HMCN2: variants seen among roughly 807,000 people sequenced by gnomAD.
HMCN2 encodes hemicentin-2.
HMCN2 carries 325 observed loss-of-function variants against 377.5 expected under a neutral mutation model. The observed-to-expected ratio is 0.86, with a 90% CI of 0.79 to 0.94. HMCN2 has a LOEUF of 0.94. HMCN2 is among the 40% of genes least tolerant of loss of function. The pLI is 0.00. For missense variants in HMCN2, 4,543 were observed against 4,725.3 expected, an observed-to-expected ratio of 0.96 and a Z score of 1.13; for synonymous variants, 2,007 against 2,046.8, an observed-to-expected ratio of 0.98 and a Z score of 0.53.
intron 84 of HMCN2, 58 bp downstream of exon 84, chr9:130,408,991 A>T (rs7042911): frequency 0.75 from 870,229 of 1,166,450 alleles, 327,035 homozygotes; most frequent in African/African-American, 0.8. Context: ...ACGCTTTTTC[A>T]GATTGTTCAA....
intron 3 of HMCN2, 61 bp downstream of exon 3, chr9:130,285,377 G>C: frequency 2.2e-6 from 1 of 459,560 alleles, no homozygotes; most frequent in South Asian, 1.6e-5. Context: ...AGGAAGCTGG[G>C]GTCTCTCTCA....
In HMCN2 at chr9:130,385,772, C is replaced by A. The variant is rs750171648; in HGVS notation, c.9309+10C>A. ...GATCCAGGAAGCCCAGGTGAGCAACCCTGGGGGCACGGGCAGCCATGAGCG... is the reference window on the plus strand; with the variant it reads ...GATCCAGGAAGCCCAGGTGAGCAACACTGGGGGCACGGGCAGCCATGAGCG... On this transcript the variant is annotated intron_variant, in intron 60 of 97. Coordinates refer to ENST00000683500, the MANE Select transcript of HMCN2 (RefSeq NM_001291815.2). The A allele has an allele frequency of 3.8e-5, 50 of 1,301,862 alleles. No homozygotes were observed. The African/African-American group carries it at 6.8e-4, about 18-fold the overall frequency. The allele number at this position is 1,301,862 out of a possible 1,614,324, so 80.6% of individuals were successfully genotyped here.
At chr9:130,383,719 C>T in intron 57 of HMCN2, 119 bp downstream of exon 57, 1 of 329,720 alleles carries the variant, frequency 3.0e-6, no homozygotes, top group Non-Finnish European at 4.3e-6. Flanking sequence ...GGGATCCCAG[C>T]TGGCCCCAGC....
intron 53 of HMCN2, 134 bp downstream of exon 53, chr9:130,377,933 A>C: frequency 1.5e-5 from 10 of 666,362 alleles, no homozygotes; most frequent in Non-Finnish European, 1.9e-5. Flanking sequence ...GGCTCATCTC[A>C]GCAGCCCAGA....
At chr9:130,401,162 G>C (rs576781894) in intron 77 of HMCN2, among the ~76,000 whole-genome samples, 2 of 152,232 alleles carry the variant, frequency 1.3e-5, no homozygotes, top group Admixed American at 6.5e-5. Context: ...GTTCCCCAAG[G>C]CCCTCTGGCA....
At chr9:130,400,730 C>T (rs1269476477) in intron 76 of HMCN2, 53 bp from the exon 77 acceptor site, 38 of 1,230,712 alleles carry the variant, frequency 3.1e-5, no homozygotes, top group South Asian at 1.1e-4. Context: ...GCCCTGTGGC[C>T]GTGAGTGCCC....
At chr9:130,400,692 T>C in intron 76 of HMCN2, 91 bp from the exon 77 acceptor site, 1 of 977,298 alleles carries the variant, frequency 1.0e-6, no homozygotes, top group Non-Finnish European at 1.3e-6. Flanking sequence ...GTCACTGATG[T>C]CACCTTGTGT....
intron 34 of HMCN2, among the ~76,000 whole-genome samples, chr9:130,357,386 GTGGATGGATGGATGGAGGGATGGATGGA>G (rs1245801661): frequency 1.3e-4 from 19 of 144,866 alleles, no homozygotes; most frequent in African/African-American, 4.8e-4. Flanking sequence ...GGATGGATGG[GTGGATGGATGGATGGAGGGATGGATGGA>G]TGGATGGAAG....
At chr9:130,278,906 T>C (rs1834954960) in intron 1 of HMCN2, among the ~76,000 whole-genome samples, 1 of 149,348 alleles carries the variant, frequency 6.7e-6, no homozygotes, top group African/African-American at 2.5e-5. Context: ...TTTTTCTTTT[T>C]TTTTTTTTTT....
intron 71 of HMCN2, among the ~76,000 whole-genome samples, 172 bp from the exon 72 acceptor site, chr9:130,395,752 T>C (rs1272371797): frequency 2.0e-5 from 3 of 151,814 alleles, no homozygotes; most frequent in African/African-American, 2.4e-5. Flanking sequence ...CCCAGAGGAG[T>C]GCATTTCCTT....
In HMCN2 at chr9:130,396,067, T is replaced by C. The variant is rs1464157343; in HGVS notation, c.11053+2T>C. 1.1e-5 allele frequency: 14 copies of C among 1,277,900 alleles called. No individual in the cohort carries two copies. Among genetic ancestry groups the C allele is most frequent in the Non-Finnish European group, 1.4e-5 (14 of 982,800 alleles). 79.2% of individuals were successfully genotyped at this position (1,277,900 alleles called of 1,614,324 possible). ...TCGCCTTCCGCGTGGAGATCCACAG[T>C]GAGTAGGGCCCGCCCCACCCCACCC... On this transcript the variant is annotated splice_donor_variant, in intron 72 of 97. Coordinates refer to ENST00000683500, the MANE Select transcript of HMCN2 (RefSeq NM_001291815.2). LOFTEE classifies it high-confidence loss of function.
At chr9:130,378,588 G>A (rs1301560474) in intron 53 of HMCN2, among the ~76,000 whole-genome samples, 2 of 145,944 alleles carry the variant, frequency 1.4e-5, no homozygotes, top group African/African-American at 5.1e-5. Flanking sequence ...GAATGGGGAG[G>A]CGGGGAGGCG....
intron 40 of HMCN2, among the ~76,000 whole-genome samples, chr9:130,363,986 GAGAA>G (rs773587846): frequency 6.5e-4 from 98 of 151,680 alleles, no homozygotes; most frequent in Middle Eastern, 3.4e-3. Context: ...AAGAAAGAAA[GAGAA>G]AGGAAGGAAG....
chr9:130,336,209 A>G (rs1304543015), intron 22 of HMCN2, among the ~76,000 whole-genome samples: 3 of 152,230 alleles, frequency 2.0e-5, no homozygotes, highest in Non-Finnish European at 2.9e-5. Flanking sequence ...GCAAGTTAAT[A>G]AACTGTGGTG....
Position 130,406,159 on chromosome 9 carries a change from C to T in HMCN2, c.12544C>T (p.Pro4182Ser), listed in dbSNP as rs1358367291. 2 of 1,289,780 alleles carry T rather than the reference C, an allele frequency of 1.6e-6. No homozygotes were observed. Among genetic ancestry groups the T allele is most frequent in the Non-Finnish European group, 2.0e-6 (2 of 988,848 alleles). 79.9% of individuals were successfully genotyped at this position (1,289,780 alleles called of 1,614,324 possible). A position where few individuals can be genotyped will look rare whatever the true frequency, so the allele number is the denominator to read the frequency against. The stretch of plus-strand genomic sequence containing the variant: ...CATTGGCTGGACTGTCAACGACCGG[C>T]CAGTCACAGGTCTGGGTCTGCTGGG... The part of the protein sequence containing the change: ...PRIGWTVNDR[P>S]VTEGVSEQDG... The change falls in exon 82 of 98, where the codon CCA (proline) becomes TCA (serine). Residue 4182 changes from proline to serine, a missense_variant. Physicochemically the swap from Pro to Ser is moderately conservative, Grantham distance 74. Around this residue, in one of 5 missense-constraint regions of HMCN2, gnomAD observed 1,073 missense variants for 1,319.5 expected, o/e 0.81. Coordinates refer to ENST00000683500, the MANE Select transcript of HMCN2 (RefSeq NM_001291815.2).
rs1383242806 is a variant in HMCN2 at position 130,395,911 on chromosome 9, CG to C, written c.10912-9del. 3.9e-6 allele frequency: 5 copies of C among 1,284,156 alleles called. No individual in the cohort carries two copies. Among genetic ancestry groups the C allele is most frequent in the Non-Finnish European group, 5.1e-6 (5 of 986,790 alleles). 79.5% of individuals were successfully genotyped at this position (1,284,156 alleles called of 1,614,324 possible). ...ACTGATAAGGGTCTGTCCACCCTGG[CG>C]GGGCTCTCCAGGAGGACGCCCACAC... On this transcript the variant is annotated splice_polypyrimidine_tract_variant and intron_variant, in intron 71 of 97. Transcript: ENST00000683500.
intron 15 of HMCN2, among the ~76,000 whole-genome samples, chr9:130,316,670 C>A (rs1008230127): frequency 6.6e-6 from 1 of 152,232 alleles, no homozygotes; most frequent in Non-Finnish European, 1.5e-5. Context: ...GCTCCCGCCC[C>A]AGAAAACTGA....
At chr9:130,424,976 G>A (rs1359211350) in intron 88 of HMCN2, 33 bp from the exon 89 acceptor site, 1 of 1,520,794 alleles carries the variant, frequency 6.6e-7, no homozygotes, top group Admixed American at 2.1e-5. Context: ...GACCTCCCGT[G>A]GTGACTCTGG....
Position 130,433,368 on chromosome 9 carries a change from C to T in HMCN2, c.14915C>T (p.Ser4972Leu), listed in dbSNP as rs1331063907. Residue 4972 changes from serine to leucine, a missense_variant, in exon 98 of 98, where the codon TCG becomes TTG. By Grantham distance (145) the Ser-to-Leu change is moderately radical. Coordinates refer to ENST00000683500, the MANE Select transcript of HMCN2 (RefSeq NM_001291815.2). ...CGCAGGACGTGCTTCCGGCGCTGCT[C>T]GCAGGACTGCGGCACGGGCGGCCCC... is the stretch of plus-strand genomic sequence containing the variant. ...PSPGTCFRRC[S>L]QDCGTGGPST... The T allele has an allele frequency of 4.8e-6, 7 of 1,472,054 alleles. No individual in the cohort carries two copies. The East Asian group carries it at 1.5e-4, about 31-fold the overall frequency. The allele number at this position is 1,472,054 out of a possible 1,614,324, so 91.2% of individuals were successfully genotyped here.
Sources: gnomAD v4.1 joint callset for allele counts (sites outside exome capture counted in the v4.1 genomes callset) on GRCh38, gnomAD v4.1.1 for gene constraint, gnomAD v4.1.1 regional missense constraint, MANE v1.5 for transcripts, NCBI Gene and HGNC (gene_info 2026-07-23, HGNC 2026-07-21) for gene names.